Variants in ZMYND10 observed in about 807,000 individuals in gnomAD.
ZMYND10 encodes the protein zinc finger MYND domain-containing protein 10.
In ZMYND10, 52 loss-of-function variants were observed where a neutral mutation model predicts 62.6. The observed-to-expected ratio is 0.83, with a 90% CI of 0.67 to 1.05. The LOEUF (loss-of-function observed/expected upper bound fraction) is 1.05, where lower values mean the gene tolerates loss of function less well. Ranked by LOEUF, ZMYND10 falls within the 50% of genes least tolerant of loss-of-function variation. ZMYND10 has a pLI of 0.00. For missense variants in ZMYND10, 438 were observed against 543.3 expected, an observed-to-expected ratio of 0.81 and a Z score of 1.93; for synonymous variants, 197 against 218.5, an observed-to-expected ratio of 0.90 and a Z score of 0.87.
chr3:50,343,069 C>T lies in ZMYND10; in HGVS notation c.599+49G>A, dbSNP rs375185165. On this transcript the variant is annotated intron_variant, in intron 6 of 11. Transcript: ENST00000231749. ...GGTGAGTAGAGGCAGGCTACAGGCC[C>T]GGTCTTCCAGCCCTCCACAGTAGGC... 65 of 1,613,772 alleles carry T rather than the reference C, an allele frequency of 4.0e-5. 1 individual carries two copies. The Admixed American group carries it at 5.7e-4, about 14-fold the overall frequency.
chr3:50,345,584 A>C lies in ZMYND10; in HGVS notation c.-5T>G. On this transcript the variant is annotated 5_prime_UTR_variant, in exon 1 of 12. Transcript: ENST00000231749. This position sits in a 1 kb window ranked among gnomAD's most constrained non-coding sequence, Gnocchi z 5.0. ...CAGCAGTTCCAGGTCTCCCATATCG[A>C]GGCCGGGGTCCGGCGGATCCTGGGC... The C allele has an allele frequency of 6.3e-7, 1 of 1,589,680 alleles. No homozygotes were observed. The highest frequency in any genetic ancestry group is 8.6e-7 in the Non-Finnish European group (1 of 1,168,368).
In ZMYND10 at chr3:50,341,826, G is replaced by C. The variant is rs142613783; in HGVS notation, c.1105C>G (p.Arg369Gly). 2 of 1,613,934 alleles carry C rather than the reference G, an allele frequency of 1.2e-6. No homozygotes were observed. The highest frequency in any genetic ancestry group is 1.7e-6 in the Non-Finnish European group (2 of 1,179,948). The change falls in exon 10 of 12, where the codon CGG (arginine) becomes GGG (glycine). Residue 369 changes from arginine to glycine, a missense_variant. Physicochemically the swap from Arg to Gly is moderately radical, Grantham distance 125. Coordinates refer to ENST00000231749, the MANE Select transcript of ZMYND10 (RefSeq NM_015896.4). ...HVFSPSEQDL[R>G]LQARRWAETY... Reference sequence around the variant, plus strand: ...AGGCCTTACCTTCGCGCCTGCAGCCGCAGGTCCTGCTCTGAGGGGCTGAAC... The same window carrying C: ...AGGCCTTACCTTCGCGCCTGCAGCCCCAGGTCCTGCTCTGAGGGGCTGAAC...
chr3:50,342,727 C>T (rs1179782350), intron 7 of ZMYND10, 158 bp from the exon 8 acceptor site: 1 of 1,467,344 alleles, frequency 6.8e-7, no homozygotes, highest in Admixed American at 2.4e-5. Context: ...GCAGGGTGAG[C>T]CTCAGTAGTG....
Position 50,343,759 on chromosome 3 carries a change from T to A in ZMYND10, c.293A>T (p.Gln98Leu), listed in dbSNP as rs1445718713. ...VFCRVEDFKP[Q>L]NTFPIYMVVH... ...CACCATGTAGATGGGGAAGGTGTTC[T>A]GGGGCTTGAAGTCCTCCACCCTGCA... The change falls in exon 3 of 12, where the codon CAG becomes CTG. Residue 98 changes from glutamine (Q) to leucine (L), a missense_variant. Transcript: ENST00000231749. 1 of 1,614,198 alleles carries A rather than the reference T, an allele frequency of 6.2e-7. No individual in the cohort carries two copies. Among genetic ancestry groups the A allele is most frequent in the Admixed American group, 1.7e-5 (1 of 60,016 alleles).
At chr3:50,342,251 T>G (rs587765666) in intron 8 of ZMYND10, 111 bp from the exon 9 acceptor site, 1 of 1,576,938 alleles carries the variant, frequency 6.3e-7, no homozygotes, top group Non-Finnish European at 8.6e-7. Flanking sequence ...CATGTCCCAC[T>G]AGCTGGTGTG....
At chr3:50,343,082 C>G in intron 6 of ZMYND10, 36 bp downstream of exon 6, 1 of 1,614,098 alleles carries the variant, frequency 6.2e-7, no homozygotes, top group Middle Eastern at 1.7e-4. Context: ...TCTTCCAGCC[C>G]TCCACAGTAG....
Position 50,342,170 on chromosome 3 carries a change from G to A in ZMYND10, c.874-30C>T, listed in dbSNP as rs1301218281. On this transcript the variant is annotated intron_variant, in intron 8 of 11. Coordinates refer to ENST00000231749, the MANE Select transcript of ZMYND10 (RefSeq NM_015896.4). ...AAGGGTGTCCAGTGGAGGCCAGTGT[G>A]ATGCAGGTGCTGGCCAGGGGGCCAA... The A allele has an allele frequency of 3.1e-6, 5 of 1,599,916 alleles. No homozygotes were observed. In the South Asian group the frequency reaches 5.5e-5, roughly 18 times the overall value.
Position 50,342,581 on chromosome 3 carries a change from A to T in ZMYND10, c.701-12T>A. ...CTGCTGCAGCTTGCCTGGGGAGAGG[A>T]ACCAGCACACTGGGTGCAGACGTTG... On this transcript the variant is annotated splice_polypyrimidine_tract_variant and intron_variant, in intron 7 of 11. Transcript: ENST00000231749. 1 of 1,608,972 alleles carries T rather than the reference A, an allele frequency of 6.2e-7. No individual in the cohort carries two copies. The highest frequency in any genetic ancestry group is 1.1e-5 in the South Asian group (1 of 90,746).
In ZMYND10 at chr3:50,341,281, C is replaced by G; in HGVS notation, c.*129G>C. On this transcript the variant is annotated 3_prime_UTR_variant, in exon 12 of 12. Coordinates refer to ENST00000231749, the MANE Select transcript of ZMYND10 (RefSeq NM_015896.4). ...GGAGGGAGATCGGTCAGCAGCTTTA[C>G]CGCCCGCTCTGCTCTCCACTGCGGA... is the stretch of plus-strand genomic sequence containing the variant. 1 of 1,167,404 alleles carries G rather than the reference C, an allele frequency of 8.6e-7. No individual in the cohort carries two copies. The highest frequency in any genetic ancestry group is 1.2e-6 in the Non-Finnish European group (1 of 822,174). The allele number at this position is 1,167,404 out of a possible 1,614,324, so 72.3% of individuals were successfully genotyped here.
chr3:50,342,232 G>T (rs1033772424), intron 8 of ZMYND10, 92 bp from the exon 9 acceptor site: 60 of 1,582,860 alleles, frequency 3.8e-5, no homozygotes, highest in Non-Finnish European at 4.7e-5. Flanking sequence ...GAGAATGCCT[G>T]TGGGGGCCCA....
Position 50,341,468 on chromosome 3 carries a change from T to C in ZMYND10, c.1265A>G (p.His422Arg). The change falls in exon 12 of 12, where the codon CAC becomes CGC. Residue 422 changes from histidine (H) to arginine (R), a missense_variant. His to Arg is a conservative substitution (Grantham distance 29, BLOSUM62 0). Coordinates refer to ENST00000231749, the MANE Select transcript of ZMYND10 (RefSeq NM_015896.4). The part of the protein sequence containing the change: ...WYCCRECQVK[H>R]WEKHGKTCVL... ...ACAAGTCTTTCCATGCTTTTCCCAG[T>C]GCTTGACTTGGCACTCCCTGCAGGC... 1 of 1,614,232 alleles carries C rather than the reference T, an allele frequency of 6.2e-7. No homozygotes were observed. Among genetic ancestry groups the C allele is most frequent in the Non-Finnish European group, 8.5e-7 (1 of 1,180,024 alleles).
At chr3:50,344,315 C>CTTTTTTTT (rs71080585) in intron 2 of ZMYND10, among the ~76,000 whole-genome samples, 1 of 128,694 alleles carries the variant, frequency 7.8e-6, no homozygotes, top group Admixed American at 7.5e-5. Context: ...AAGGACCTTT[C>CTTTTTTTT]TTTTTTTTTT....
chr3:50,343,315 G>C lies in ZMYND10; in HGVS notation c.502C>G (p.Pro168Ala), dbSNP rs747809392. Residue 168 changes from proline (P) to alanine (A), a missense_variant, in exon 5 of 12, where the codon CCC becomes GCC. Physicochemically the swap from Pro to Ala is conservative, Grantham distance 27. Coordinates refer to ENST00000231749, the MANE Select transcript of ZMYND10 (RefSeq NM_015896.4). ...PEGEGSQDSN[P>A]MQELQKQAEL... ...AGGTAACCTCAACCCACCTGCATGG[G>C]GTTGCTGTCCTGGGATCCCTCCCCC... 1.2e-6 allele frequency: 2 copies of C among 1,612,062 alleles called. No homozygotes were observed. Among genetic ancestry groups the C allele is most frequent in the Admixed American group, 1.7e-5 (1 of 59,894 alleles).
At position 50,345,316 on chromosome 3, in the gene ZMYND10, T is replaced by G; in HGVS notation, c.93-84A>C. ...GGCTGGATCCTACTGAAGCCTAACC[T>G]GATCCTGAGGGGACACAGGGGGCTC... On this transcript the variant is annotated intron_variant, in intron 1 of 11. Transcript: ENST00000231749. This position sits in a 1 kb window ranked among gnomAD's most constrained non-coding sequence, Gnocchi z 5.0. 6.5e-7 allele frequency: 1 copy of G among 1,529,882 alleles called. No individual in the cohort carries two copies. 94.8% of individuals were successfully genotyped at this position (1,529,882 alleles called of 1,614,324 possible).
rs762592271 is a variant in ZMYND10, at chr3:50,341,844, G to A, written c.1087C>T (p.Pro363Ser). 1.2e-5 allele frequency: 20 copies of A among 1,614,144 alleles called. No individual in the cohort carries two copies. The East Asian group carries it at 4.5e-4, about 36-fold the overall frequency. Residue 363 changes from proline (P) to serine (S), a missense_variant, in exon 10 of 12, where the codon CCC becomes TCC. By Grantham distance (74) the Pro-to-Ser change is moderately conservative. Coordinates refer to ENST00000231749, the MANE Select transcript of ZMYND10 (RefSeq NM_015896.4). ...AKHQLQHVFS[P>S]SEQDLRLQAR... ...TGCAGCCGCAGGTCCTGCTCTGAGG[G>A]GCTGAACACATGCTGGAGCTGGTGC...
intron 8 of ZMYND10, 40 bp downstream of exon 8, chr3:50,342,357 G>A (rs771709845): frequency 1.3e-5 from 20 of 1,555,540 alleles, no homozygotes; most frequent in Non-Finnish European, 1.6e-5. Context: ...TGGGGAGGGC[G>A]GTACTGGGGC....
chr3:50,344,592 A>G (rs1703485177), intron 2 of ZMYND10, among the ~76,000 whole-genome samples: 1 of 150,060 alleles, frequency 6.7e-6, no homozygotes, highest in African/African-American at 2.5e-5. Flanking sequence ...ATGCTGGGAT[A>G]ACAGGCATGA....
At chr3:50,343,276 G>A (rs1703444808) in intron 5 of ZMYND10, 31 bp downstream of exon 5, 1 of 1,613,310 alleles carries the variant, frequency 6.2e-7, no homozygotes, top group African/African-American at 1.3e-5. Flanking sequence ...CCAGACCTAG[G>A]CTTTCACAAC....
Position 50,341,418 on chromosome 3 carries a change from C to T in ZMYND10, c.1315G>A (p.Ala439Thr). Reference sequence around the variant, plus strand: ...CTCAGCAACTGCAGCCCTCATTTGGCTCTGTCACCCTGGGCTGCCAGGACA... The same window carrying T: ...CTCAGCAACTGCAGCCCTCATTTGGTTCTGTCACCCTGGGCTGCCAGGACA... ...TCVLAAQGDR[A>T]K The change falls in exon 12 of 12, where the codon GCC becomes ACC. Residue 439 changes from alanine to threonine, a missense_variant. By Grantham distance (58) the Ala-to-Thr change is moderately conservative (BLOSUM62 0). Coordinates refer to ENST00000231749, the MANE Select transcript of ZMYND10 (RefSeq NM_015896.4). 2.5e-6 allele frequency: 4 copies of T among 1,614,186 alleles called. No homozygotes were observed. The highest frequency in any genetic ancestry group is 3.4e-6 in the Non-Finnish European group (4 of 1,180,032).
Sources: gnomAD v4.1 joint callset for allele counts (sites outside exome capture counted in the v4.1 genomes callset) on GRCh38, gnomAD v4.1.1 for gene constraint, Gnocchi (gnomAD v3.1) non-coding constraint, MANE v1.5 for transcripts, NCBI Gene and HGNC (gene_info 2026-07-23, HGNC 2026-07-21) for gene names.